PPP2R3A: variants seen among roughly 807,000 people sequenced by gnomAD.
The protein encoded by PPP2R3A is protein phosphatase 2 regulatory subunit B''alpha.
A neutral mutation model predicts 106.9 loss-of-function variants in PPP2R3A; 80 were observed. The ratio of observed to expected loss-of-function variants is 0.75; its 90% CI spans 0.62 to 0.90. PPP2R3A has a LOEUF of 0.90. Ranked by LOEUF, PPP2R3A falls within the 40% of genes least tolerant of loss-of-function variation. The pLI is 0.00. For synonymous variants in PPP2R3A, 483 were observed against 468.3 expected (o/e 1.03, Z -0.41); for missense variants, 1,386 against 1,350.4 (o/e 1.03, Z -0.41).
At chr3:135,981,252 G>A (rs1188879792) in intron 1 of PPP2R3A, among the ~76,000 whole-genome samples, 2 of 151,738 alleles carry the variant, frequency 1.3e-5, no homozygotes, top group East Asian at 3.8e-4. Flanking sequence ...TTGTATGTTG[G>A]GGAGTTGTGC....
At chr3:136,088,643 C>T (rs1937018854) in intron 9 of PPP2R3A, among the ~76,000 whole-genome samples, 1 of 152,136 alleles carries the variant, frequency 6.6e-6, no homozygotes, top group African/African-American at 2.4e-5. Flanking sequence ...AATGGTAGTT[C>T]TGTTTTAAGT....
intron 13 of PPP2R3A, among the ~76,000 whole-genome samples, chr3:136,134,190 CAA>C (rs1362504942): frequency 6.6e-6 from 1 of 152,162 alleles, no homozygotes; most frequent in Non-Finnish European, 1.5e-5. Flanking sequence ...ATAGAAGAAA[CAA>C]ATTGCAGAAA....
chr3:136,112,837 C>A (rs1194831435), intron 13 of PPP2R3A, among the ~76,000 whole-genome samples: 1 of 152,028 alleles, frequency 6.6e-6, no homozygotes, highest in Non-Finnish European at 1.5e-5. Context: ...AAAACTATTA[C>A]AAAATTCATA....
intron 1 of PPP2R3A, among the ~76,000 whole-genome samples, chr3:135,984,982 C>G (rs370787597): frequency 1.3e-5 from 2 of 152,022 alleles, no homozygotes; most frequent in African/African-American, 4.8e-5. Flanking sequence ...TTCACTGTCA[C>G]GAGAACAGGA....
In PPP2R3A at chr3:136,054,987, A is replaced by G. The variant is rs1197434493; in HGVS notation, c.2469+5626A>G. 2.6e-5 allele frequency among the ~76,000 whole-genome samples: 4 copies of G among 152,232 alleles called. No homozygotes were observed. In the East Asian group the frequency reaches 7.7e-4, roughly 29 times the overall value. ...TAAAAATTTAATCTGAAAATAGTAA[A>G]AGCAGAAAACACTGATTTAAAACCT... On this transcript the variant is annotated intron_variant, in intron 5 of 13. Coordinates refer to ENST00000264977, the MANE Select transcript of PPP2R3A (RefSeq NM_002718.5).
rs1184770723 is a variant in PPP2R3A at position 136,106,182 on chromosome 3, T to G, written c.3223-34T>G. 3.8e-6 allele frequency: 6 copies of G among 1,561,528 alleles called. No homozygotes were observed. The South Asian group carries it at 4.6e-5, about 12-fold the overall frequency. On this transcript the variant is annotated intron_variant, in intron 12 of 13. Coordinates refer to ENST00000264977, the MANE Select transcript of PPP2R3A (RefSeq NM_002718.5). Reference sequence around the variant, plus strand: ...TCTCCAATTCTTTGTCTTTGATTTTTTTTATTTCTCGTGGCTGTCTTCTTT... The same window carrying G: ...TCTCCAATTCTTTGTCTTTGATTTTGTTTATTTCTCGTGGCTGTCTTCTTT...
chr3:135,967,867 G>A (rs1342297785), intron 1 of PPP2R3A, among the ~76,000 whole-genome samples: 1 of 152,196 alleles, frequency 6.6e-6, no homozygotes, highest in Non-Finnish European at 1.5e-5. Flanking sequence ...ATTTCTAGTT[G>A]TGGAGGGCTA....
chr3:135,980,472 AT>A (rs1268852921), intron 1 of PPP2R3A, among the ~76,000 whole-genome samples: 2 of 151,650 alleles, frequency 1.3e-5, no homozygotes, highest in Non-Finnish European at 2.9e-5. Flanking sequence ...TGGTAAGTGT[AT>A]AATAGAAAAG....
chr3:136,033,444 T>C (rs1401867436), intron 3 of PPP2R3A, among the ~76,000 whole-genome samples: 1 of 152,232 alleles, frequency 6.6e-6, no homozygotes, highest in Non-Finnish European at 1.5e-5. Flanking sequence ...TCTTGTGGAA[T>C]AGTGTCAATA....
chr3:136,050,610 C>T (rs2107865062), intron 5 of PPP2R3A, among the ~76,000 whole-genome samples: 1 of 152,326 alleles, frequency 6.6e-6, no homozygotes, highest in Admixed American at 6.5e-5. Context: ...TGCCTAGATG[C>T]ACACACAGCT....
intron 13 of PPP2R3A, 193 bp downstream of exon 13, chr3:136,106,515 G>A: frequency 3.4e-6 from 2 of 581,222 alleles, no homozygotes; most frequent in Non-Finnish European, 3.0e-6. Flanking sequence ...GTCTTCTCAT[G>A]TCCATTTCCT....
chr3:136,065,308 T>C (rs1936230354), intron 5 of PPP2R3A, among the ~76,000 whole-genome samples: 1 of 152,170 alleles, frequency 6.6e-6, no homozygotes, highest in South Asian at 2.1e-4. Flanking sequence ...TATGTTTAGT[T>C]ATAGAGATAA....
intron 13 of PPP2R3A, among the ~76,000 whole-genome samples, chr3:136,128,055 A>C (rs1473090214): frequency 6.6e-6 from 1 of 152,216 alleles, no homozygotes; most frequent in Non-Finnish European, 1.5e-5. Flanking sequence ...CCCACTGCAA[A>C]AACATGCCAA....
At chr3:136,033,949 G>A (rs976604836) in intron 3 of PPP2R3A, among the ~76,000 whole-genome samples, 1 of 149,106 alleles carries the variant, frequency 6.7e-6, no homozygotes, top group African/African-American at 2.5e-5. Flanking sequence ...TTTGGGTTTG[G>A]TTTGTTCCAT....
chr3:136,022,875 G>C (rs1343276812), intron 2 of PPP2R3A: 1 of 1,374,138 alleles, frequency 7.3e-7, no homozygotes, highest in Non-Finnish European at 9.3e-7. Flanking sequence ...GACTGTATTT[G>C]GGAACCAGCT....
chr3:136,026,647 T>G (rs953954845), intron 2 of PPP2R3A, among the ~76,000 whole-genome samples, 185 bp from the exon 3 acceptor site: 1 of 152,170 alleles, frequency 6.6e-6, no homozygotes, highest in Non-Finnish European at 1.5e-5. Context: ...TGGCAGATAA[T>G]TAATAAATTA....
chr3:136,022,265 T>A (rs1934491794), intron 2 of PPP2R3A, among the ~76,000 whole-genome samples: 1 of 152,310 alleles, frequency 6.6e-6, no homozygotes, highest in Non-Finnish European at 1.5e-5. Context: ...GTTGTTCTAC[T>A]TTCTTAATAC....
At position 136,048,337 on chromosome 3, in the gene PPP2R3A, G is replaced by A. The variant is rs1057108573; in HGVS notation, c.2367-922G>A. On this transcript the variant is annotated intron_variant, in intron 4 of 13. Transcript: ENST00000264977. ...TGGTAAGAGAAGGGGACATGAGCAG[G>A]TAGGATCAGATTCTGGAGGCCCTTC... 3.9e-5 allele frequency among the ~76,000 whole-genome samples: 6 copies of A among 152,294 alleles called. No individual in the cohort carries two copies. The South Asian group carries it at 6.2e-4, about 16-fold the overall frequency.
In PPP2R3A at chr3:136,145,652, A is replaced by G. The variant is rs2108045897; in HGVS notation, c.*486A>G. 6.5e-6 allele frequency: 1 copy of G among 152,868 alleles called. No individual in the cohort carries two copies. Among genetic ancestry groups the G allele is most frequent in the East Asian group, 1.9e-4 (1 of 5,180 alleles). 9.5% of individuals were successfully genotyped at this position (152,868 alleles called of 1,614,324 possible). ...CCCTAGTAATAAAAGCACTGCCAAAACATCTCAGAGACTTCTTTTATGTAT... is the reference window on the plus strand; with the variant it reads ...CCCTAGTAATAAAAGCACTGCCAAAGCATCTCAGAGACTTCTTTTATGTAT... On this transcript the variant is annotated 3_prime_UTR_variant, in exon 14 of 14. Coordinates refer to ENST00000264977, the MANE Select transcript of PPP2R3A (RefSeq NM_002718.5).
Sources: allele counts gnomAD v4.1 joint callset (sites outside exome capture counted in the v4.1 genomes callset), GRCh38; gene constraint gnomAD v4.1.1; transcripts MANE v1.5; gene names NCBI Gene and HGNC (gene_info 2026-07-23, HGNC 2026-07-21).